The following EFCAB6 variants were observed in gnomAD, a reference collection of about 807,000 sequenced individuals.
The protein encoded by EFCAB6 is EF-hand calcium binding domain 6.
A neutral mutation model predicts 169.8 loss-of-function variants in EFCAB6; 156 were observed. The ratio of observed to expected loss-of-function variants is 0.92; its 90% confidence interval spans 0.81 to 1.05. The LOEUF (loss-of-function observed/expected upper bound fraction) is 1.05, where lower values mean the gene tolerates loss of function less well. EFCAB6 is among the 50% of genes least tolerant of loss of function. EFCAB6 has a pLI of 0.00. For missense variants in EFCAB6, 1,800 were observed against 1,829.1 expected (o/e 0.98, Z 0.29); for synonymous variants, 698 against 676.4 (o/e 1.03, Z -0.50).
At chr22:43,783,471 G>C (rs1227422414) in intron 2 of EFCAB6, among the ~76,000 whole-genome samples, 1 of 152,114 alleles carries the variant, frequency 6.6e-6, no homozygotes, top group African/African-American at 2.4e-5. Flanking sequence ...GGAAATGAAG[G>C]CTAAGACAGA....
rs117358042 is a variant in EFCAB6 at position 43,652,353 on chromosome 22, C to T, written c.1983+14751G>A. On this transcript the variant is annotated intron_variant, in intron 17 of 31. Transcript: ENST00000262726. ...ACATAAGATGTGACTTGTTCCTCCTCGCCTTCCACCATGATTGTGAGGCTT... is the reference window on the plus strand; with the variant it reads ...ACATAAGATGTGACTTGTTCCTCCTTGCCTTCCACCATGATTGTGAGGCTT... 4.1e-3 allele frequency among the ~76,000 whole-genome samples: 618 copies of T among 152,228 alleles called. 5 individuals are homozygous for T. Among genetic ancestry groups the T allele is most frequent in the Non-Finnish European group, 7.4e-3 (503 of 68,010 alleles).
intron 13 of EFCAB6, among the ~76,000 whole-genome samples, chr22:43,673,892 G>A (rs1371918667): frequency 6.6e-6 from 1 of 151,604 alleles, no homozygotes; most frequent in East Asian, 1.9e-4. Flanking sequence ...GCGTGAACCT[G>A]GGAGGCAGAG....
intron 25 of EFCAB6, among the ~76,000 whole-genome samples, chr22:43,579,001 T>C (rs2050474422): frequency 6.7e-6 from 1 of 149,310 alleles, no homozygotes; most frequent in African/African-American, 2.5e-5. Context: ...CATCATTCCG[T>C]ACACGCAGGC....
intron 2 of EFCAB6, among the ~76,000 whole-genome samples, chr22:43,785,589 TC>T (rs1202216182): frequency 6.7e-6 from 1 of 148,858 alleles, no homozygotes; most frequent in African/African-American, 2.5e-5. Context: ...ACCTGTTTAT[TC>T]CTTAAGAAAC....
rs182292346 is a variant in EFCAB6, at chr22:43,630,071, G to A, written c.2232+2034C>T. 1.4e-3 allele frequency among the ~76,000 whole-genome samples: 208 copies of A among 152,266 alleles called. 1 individual carries two copies. The highest frequency in any genetic ancestry group is 3.8e-3 in the African/African-American group (156 of 41,546). ...CCCAGCACTTTGGGAGGCTGAGGTC[G>A]GAGGATCGCTTGAGCCCAGGAGTCT... is the stretch of plus-strand genomic sequence containing the variant. On this transcript the variant is annotated intron_variant, in intron 19 of 31. Transcript: ENST00000262726.
chr22:43,746,028 C>A (rs560050760), intron 6 of EFCAB6, among the ~76,000 whole-genome samples: 1 of 152,296 alleles, frequency 6.6e-6, no homozygotes, highest in South Asian at 2.1e-4. Context: ...GTGAACATTT[C>A]CTATTTACCA....
At position 43,692,046 on chromosome 22, in the gene EFCAB6, G is replaced by C. The variant is rs115697397; in HGVS notation, c.1032-4465C>G. On this transcript the variant is annotated intron_variant, in intron 10 of 31. Coordinates refer to ENST00000262726, the MANE Select transcript of EFCAB6 (RefSeq NM_022785.4). ...TAGAAGACTAATCCCAGCCAAAAGAGAGAAAGAAGAAATCCTGGAAGAGAA... is the reference window on the plus strand; with the variant it reads ...TAGAAGACTAATCCCAGCCAAAAGACAGAAAGAAGAAATCCTGGAAGAGAA... Among the ~76,000 whole-genome samples, 750 of 152,266 alleles carry C rather than the reference G, an allele frequency of 4.9e-3. 4 individuals carry two copies. Among genetic ancestry groups the C allele is most frequent in the African/African-American group, 0.017 (712 of 41,566 alleles).
chr22:43,604,398 T>C (rs1255476103), intron 22 of EFCAB6, among the ~76,000 whole-genome samples: 1 of 152,180 alleles, frequency 6.6e-6, no homozygotes, highest in Admixed American at 6.5e-5. Context: ...GGTAAAGCCA[T>C]GCCAGACATG....
chr22:43,772,178 G>A (rs1444955436), intron 4 of EFCAB6, among the ~76,000 whole-genome samples: 1 of 152,178 alleles, frequency 6.6e-6, no homozygotes, highest in Non-Finnish European at 1.5e-5. Context: ...TGGGCTGGGA[G>A]CTCCTCAAGG....
intron 8 of EFCAB6, among the ~76,000 whole-genome samples, chr22:43,721,800 A>G (rs1351958609): frequency 6.6e-6 from 1 of 152,156 alleles, no homozygotes; most frequent in Non-Finnish European, 1.5e-5. Context: ...CTAGAAGAAA[A>G]ACTGGGAAAT....
chr22:43,728,032 T>C (rs1003754527), intron 8 of EFCAB6, among the ~76,000 whole-genome samples: 2 of 152,100 alleles, frequency 1.3e-5, no homozygotes, highest in Admixed American at 6.5e-5. Flanking sequence ...CCACATGCAT[T>C]AGGTATTTCT....
At chr22:43,605,288 T>C (rs1056049836) in intron 22 of EFCAB6, among the ~76,000 whole-genome samples, 4 of 152,222 alleles carry the variant, frequency 2.6e-5, no homozygotes, top group Non-Finnish European at 5.9e-5. Context: ...AAAGCAAAGA[T>C]GATAACGATC....
chr22:43,633,320 T>G (rs1441516035), intron 18 of EFCAB6, among the ~76,000 whole-genome samples: 1 of 152,148 alleles, frequency 6.6e-6, no homozygotes, highest in Non-Finnish European at 1.5e-5. Context: ...GAGGCCAAGG[T>G]GGGCGGATCA....
chr22:43,588,694 G>T lies in EFCAB6; in HGVS notation c.3032+1380C>A, dbSNP rs543529596. Among the ~76,000 whole-genome samples the T allele has an allele frequency of 1.1e-4, 17 of 152,182 alleles. No homozygotes were observed. In the East Asian group the frequency reaches 2.7e-3, roughly 24 times the overall value. On this transcript the variant is annotated intron_variant, in intron 24 of 31. Coordinates refer to ENST00000262726, the MANE Select transcript of EFCAB6 (RefSeq NM_022785.4). Reference sequence around the variant, plus strand: ...TTTCTAAGAATTTAGAACATGAAAAGGGCAATCTTCAAGAAGATGAAGCTG... The same window carrying T: ...TTTCTAAGAATTTAGAACATGAAAATGGCAATCTTCAAGAAGATGAAGCTG...
intron 3 of EFCAB6, among the ~76,000 whole-genome samples, chr22:43,777,432 G>A (rs188151480): frequency 3.7e-4 from 56 of 152,298 alleles, no homozygotes; most frequent in Admixed American, 3.5e-3. Context: ...ACAGCCCTGA[G>A]GGGGAAGAAG....
chr22:43,772,760 A>C, intron 4 of EFCAB6, 132 bp downstream of exon 4: 1 of 910,582 alleles, frequency 1.1e-6, no homozygotes. Context: ...TAATTAACTG[A>C]ATTATGAAAA....
chr22:43,718,032 A>G (rs1325945416), intron 8 of EFCAB6, among the ~76,000 whole-genome samples: 1 of 133,462 alleles, frequency 7.5e-6, no homozygotes, highest in Non-Finnish European at 1.6e-5. Context: ...CTTATTTTGT[A>G]TATCTTTCTA....
At chr22:43,639,511 A>G (rs1256158005) in intron 17 of EFCAB6, among the ~76,000 whole-genome samples, 1 of 152,122 alleles carries the variant, frequency 6.6e-6, no homozygotes, top group Admixed American at 6.5e-5. Context: ...TTCTGGTGTG[A>G]GGCCAATGGT....
rs1556036884 is a variant in EFCAB6 at position 43,678,329 on chromosome 22, C to CTGTGCG, written c.1252-167_1252-166insCGCACA. Among the ~76,000 whole-genome samples, 5 of 144,366 alleles carry CTGTGCG rather than the reference C, an allele frequency of 3.5e-5. No individual in the cohort carries two copies. In the South Asian group the frequency reaches 1.1e-3, roughly 33 times the overall value. 94.7% of individuals were successfully genotyped at this position (144,366 alleles called of 152,430 possible). ...TGATGATCCTTACATAACATGAGCACTGTGTGTGTGTGTGTGTGTGTGTGT... is the reference window on the plus strand; with the variant it reads ...TGATGATCCTTACATAACATGAGCACTGTGCGTGTGTGTGTGTGTGTGTGTGTGTGT... On this transcript the variant is annotated intron_variant, in intron 12 of 31. Coordinates refer to ENST00000262726, the MANE Select transcript of EFCAB6 (RefSeq NM_022785.4).
Sources: gnomAD v4.1 joint callset for allele counts (sites outside exome capture counted in the v4.1 genomes callset) on GRCh38, gnomAD v4.1.1 for gene constraint, MANE v1.5 for transcripts, NCBI Gene and HGNC (gene_info 2026-07-23, HGNC 2026-07-21) for gene names.